Variants in DMD observed in about 807,000 individuals in gnomAD.
DMD encodes the protein mutant dystrophin.
A neutral mutation model predicts 330.1 loss-of-function variants in DMD; 63 were observed. That is an observed-to-expected ratio of 0.19 (90% CI 0.16 to 0.24). The LOEUF (loss-of-function observed/expected upper bound fraction) is 0.24. Ranked by LOEUF, DMD falls within the 10% of genes least tolerant of loss-of-function variation. DMD has a pLI of 1.00. For synonymous variants in DMD, 1,223 were observed against 959.8 expected, an observed-to-expected ratio of 1.27 and a Z score of -5.07; for missense variants, 3,344 against 2,684.1, an observed-to-expected ratio of 1.25 and a Z score of -5.43.
intron 1 of DMD, among the ~76,000 whole-genome samples, chrX:33,237,339 G>A (rs2052507205): frequency 1.8e-5 from 2 of 108,622 alleles, no homozygotes; most frequent in South Asian, 8.2e-4. Flanking sequence ...TGCCTTCCAG[G>A]TTCAAGCGAT....
chrX:31,358,594 T>C (rs1373362319), intron 60 of DMD, among the ~76,000 whole-genome samples: 1 of 112,294 alleles, frequency 8.9e-6, no homozygotes, highest in Admixed American at 9.4e-5. Context: ...AGTCACTGCG[T>C]TTTTGGGATT....
chrX:31,748,890 T>C (rs140380662), intron 51 of DMD, among the ~76,000 whole-genome samples: 246 of 111,531 alleles, frequency 2.2e-3, no homozygotes, highest in African/African-American at 7.7e-3. Context: ...TATCCTCCTT[T>C]TCCAGTGTTT....
Position 32,043,203 on chromosome X carries a change from GA to G in DMD, c.6439-74690del, listed in dbSNP as rs371444223. Among the ~76,000 whole-genome samples the G allele has an allele frequency of 3.7e-3, 414 of 111,675 alleles. 2 individuals are homozygous for G. Among genetic ancestry groups the G allele is most frequent in the African/African-American group, 0.012 (371 of 30,739 alleles). The stretch of plus-strand genomic sequence containing the variant: ...CACAAAGATAAAAAACCCATTGAAA[GA>G]AAAAACTTAAAAGAAAAATGGAAAT... On this transcript the variant is annotated intron_variant, in intron 44 of 78. Transcript: ENST00000357033.
intron 37 of DMD, among the ~76,000 whole-genome samples, chrX:32,356,959 G>A (rs951642448): frequency 2.7e-5 from 3 of 110,784 alleles, no homozygotes; most frequent in East Asian, 2.9e-4. Flanking sequence ...GTGCGATCTC[G>A]GCTCACTGCA....
At chrX:31,421,451 T>C (rs1381413169) in intron 60 of DMD, among the ~76,000 whole-genome samples, 1 of 106,016 alleles carries the variant, frequency 9.4e-6, no homozygotes, top group Non-Finnish European at 1.9e-5. Flanking sequence ...GATCATAAAA[T>C]AATAATGATC....
chrX:32,750,226 G>A (rs2070635348), intron 7 of DMD, among the ~76,000 whole-genome samples: 1 of 111,889 alleles, frequency 8.9e-6, no homozygotes, highest in Admixed American at 9.5e-5. Flanking sequence ...ATTAGAGTTA[G>A]AAAACTGAAT....
At chrX:32,405,488 AAG>A (rs10598359) in intron 30 of DMD, among the ~76,000 whole-genome samples, 16,185 of 111,124 alleles carry the variant, frequency 0.15, 1,025 homozygotes, top group African/African-American at 0.22. Flanking sequence ...CCATATCTAG[AAG>A]AGTTTTCCCC....
At chrX:32,419,732 T>C (rs955209701) in intron 29 of DMD, among the ~76,000 whole-genome samples, 34 of 111,923 alleles carry the variant, frequency 3.0e-4, no homozygotes, top group Admixed American at 2.5e-3. Flanking sequence ...GTGTCATGGT[T>C]AATAGGAACT....
chrX:32,609,132 T>A (rs1327230856), intron 12 of DMD, among the ~76,000 whole-genome samples: 1 of 110,612 alleles, frequency 9.0e-6, no homozygotes, highest in Non-Finnish European at 1.9e-5. Flanking sequence ...TCTAGTCCTA[T>A]TGGTTTTGAT....
chrX:32,630,090 G>T (rs747613161), intron 11 of DMD, among the ~76,000 whole-genome samples: 1 of 111,609 alleles, frequency 9.0e-6, no homozygotes, highest in African/African-American at 3.3e-5. Flanking sequence ...ATTGAAGAAC[G>T]CCCTTTACCA....
intron 21 of DMD, among the ~76,000 whole-genome samples, chrX:32,475,682 C>T (rs1023208618): frequency 7.2e-5 from 8 of 110,646 alleles, no homozygotes; most frequent in Non-Finnish European, 1.3e-4. Context: ...TCTGCTTGGT[C>T]GTTGTTGGTA....
intron 44 of DMD, among the ~76,000 whole-genome samples, chrX:32,031,673 G>A (rs899617322): frequency 1.2e-4 from 13 of 111,918 alleles, no homozygotes; most frequent in Admixed American, 3.8e-4. Context: ...ATTCATTCAC[G>A]TAATCATTCC....
At chrX:31,768,450 CCT>C (rs755936378) in intron 51 of DMD, among the ~76,000 whole-genome samples, 1 of 109,076 alleles carries the variant, frequency 9.2e-6, no homozygotes, top group East Asian at 2.9e-4. Flanking sequence ...CTCTCCTTCC[CCT>C]TTTTCCTGCT....
intron 17 of DMD, among the ~76,000 whole-genome samples, chrX:32,519,683 A>T (rs1213536664): frequency 8.9e-6 from 1 of 111,952 alleles, no homozygotes; most frequent in Non-Finnish European, 1.9e-5. Context: ...TTTCACATAA[A>T]CTATCATTAA....
At chrX:33,045,340 A>ACACACACACACACAC (rs1569551361) in intron 1 of DMD, among the ~76,000 whole-genome samples, 3 of 109,145 alleles carry the variant, frequency 2.7e-5, no homozygotes, top group Non-Finnish European at 1.9e-5. Context: ...ACACACACAC[A>ACACACACACACACAC]AGTATTTCGT....
chrX:32,107,344 G>A (rs1019010789), intron 44 of DMD, among the ~76,000 whole-genome samples: 1 of 94,991 alleles, frequency 1.1e-5, no homozygotes, highest in Admixed American at 1.1e-4. Flanking sequence ...TTATATGTGT[G>A]TGTGTGTGTG....
At chrX:32,766,015 G>C (rs2072938213) in intron 7 of DMD, among the ~76,000 whole-genome samples, 1 of 111,718 alleles carries the variant, frequency 9.0e-6, no homozygotes, top group Admixed American at 9.5e-5. Flanking sequence ...ACAATATATA[G>C]TAGAGTTTAC....
rs768520823 is a variant in DMD, at chrX:31,513,157, A to G, written c.8218-5704T>C. Reference sequence around the variant, plus strand: ...TGTTTGTCTGTTGTTGGTGTATAAGAATGCTTGTGATTTTTGTACATTGAT... The same window carrying G: ...TGTTTGTCTGTTGTTGGTGTATAAGGATGCTTGTGATTTTTGTACATTGAT... On this transcript the variant is annotated intron_variant, in intron 55 of 78. Coordinates refer to ENST00000357033, the MANE Select transcript of DMD (RefSeq NM_004006.3). 1.4e-4 allele frequency among the ~76,000 whole-genome samples: 13 copies of G among 92,774 alleles called. 1 individual carries two copies. The South Asian group carries it at 7.0e-3, about 50-fold the overall frequency. The allele number at this position is 92,774 out of a possible 115,157, so 80.6% of individuals were successfully genotyped here.
At chrX:32,636,054 G>A (rs146194277) in intron 11 of DMD, among the ~76,000 whole-genome samples, 2,152 of 111,844 alleles carry the variant, frequency 0.019, 23 homozygotes, top group Middle Eastern at 0.037. Flanking sequence ...ATGGTGTCAC[G>A]GTGTGTATAA....
Sources: gnomAD v4.1 joint callset for allele counts (sites outside exome capture counted in the v4.1 genomes callset) on GRCh38, gnomAD v4.1.1 for gene constraint, MANE v1.5 for transcripts, NCBI Gene and HGNC (gene_info 2026-07-23, HGNC 2026-07-21) for gene names.